Variants in LYN observed in about 807,000 individuals in gnomAD.
LYN encodes tyrosine-protein kinase Lyn.
Under a neutral mutation model 65.0 loss-of-function variants are expected in LYN, and 12 were observed. The ratio of observed to expected loss-of-function variants is 0.18; its 90% confidence interval spans 0.12 to 0.30. The LOEUF is 0.30. Among genes scored for constraint, LYN ranks in the 10% least tolerant of loss-of-function variants. LYN has a pLI of 1.00. For synonymous variants in LYN, 222 were observed against 221.2 expected, an observed-to-expected ratio of 1.00 and a Z score of -0.03; for missense variants, 380 against 623.2, an observed-to-expected ratio of 0.61 and a Z score of 4.16.
intron 1 of LYN, among the ~76,000 whole-genome samples, chr8:55,933,565 C>T (rs1806329933): frequency 6.6e-6 from 1 of 152,150 alleles, no homozygotes; most frequent in Non-Finnish European, 1.5e-5. Flanking sequence ...ATCACTTATC[C>T]TCTCATGCCA....
intron 8 of LYN, among the ~76,000 whole-genome samples, chr8:55,963,699 T>C (rs143235719): frequency 6.6e-6 from 1 of 152,376 alleles, no homozygotes; most frequent in East Asian, 1.9e-4. Context: ...TTATTACTCA[T>C]ATGAATTTCT....
chr8:55,928,992 TA>T (rs1806189057), intron 1 of LYN, among the ~76,000 whole-genome samples: 1 of 152,222 alleles, frequency 6.6e-6, no homozygotes, highest in Non-Finnish European at 1.5e-5. Flanking sequence ...TTTACATACT[TA>T]TTTATTTACT....
intron 1 of LYN, among the ~76,000 whole-genome samples, chr8:55,931,936 G>T (rs1365471744): frequency 6.6e-6 from 1 of 152,036 alleles, no homozygotes; most frequent in Non-Finnish European, 1.5e-5. Flanking sequence ...TCTGCAATTA[G>T]AAAAAATAAA....
intron 2 of LYN, among the ~76,000 whole-genome samples, chr8:55,942,369 GTATATATATGTGTA>G (rs1365510444): frequency 2.9e-5 from 4 of 137,784 alleles, no homozygotes; most frequent in Non-Finnish European, 4.7e-5. Flanking sequence ...ATATATATGT[GTATATATATGTGTA>G]TATATATATG....
intron 10 of LYN, among the ~76,000 whole-genome samples, chr8:55,982,311 T>C (rs1208546393): frequency 6.6e-6 from 1 of 152,212 alleles, no homozygotes; most frequent in Non-Finnish European, 1.5e-5. Flanking sequence ...GGTTTTGTTT[T>C]TTTTTTAATC....
chr8:55,917,985 T>C (rs1805827327), intron 1 of LYN, among the ~76,000 whole-genome samples: 1 of 152,208 alleles, frequency 6.6e-6, no homozygotes, highest in Non-Finnish European at 1.5e-5. Context: ...ATGGGGGATT[T>C]ATTGGAAGGA....
chr8:55,996,349 G>A (rs1403082818), intron 10 of LYN, among the ~76,000 whole-genome samples: 2 of 152,188 alleles, frequency 1.3e-5, no homozygotes, highest in Non-Finnish European at 1.5e-5. Context: ...TCTGGAACTG[G>A]CGGCCTGAAG....
intron 2 of LYN, among the ~76,000 whole-genome samples, chr8:55,944,629 C>T (rs1422853885): frequency 6.6e-6 from 1 of 152,152 alleles, no homozygotes; most frequent in East Asian, 1.9e-4. Context: ...TACAGGCATG[C>T]ACCACCATGC....
intron 7 of LYN, among the ~76,000 whole-genome samples, chr8:55,953,096 T>C (rs567213106): frequency 1.3e-5 from 2 of 152,296 alleles, no homozygotes; most frequent in East Asian, 3.9e-4. Flanking sequence ...CGCCCTCCCA[T>C]TCCTGTGTGC....
chr8:55,894,640 C>A (rs118106492), intron 1 of LYN, among the ~76,000 whole-genome samples: 1 of 151,170 alleles, frequency 6.6e-6, no homozygotes, highest in South Asian at 2.1e-4. Context: ...TCAAGCTATT[C>A]TCCTTCTTCA....
intron 2 of LYN, 77 bp from the exon 3 acceptor site, chr8:55,946,371 A>G: frequency 1.1e-6 from 1 of 941,288 alleles, no homozygotes; most frequent in Non-Finnish European, 1.7e-6. Context: ...TACTGTTACA[A>G]AAATCATATA....
chr8:55,905,834 G>T (rs73606807), intron 1 of LYN, among the ~76,000 whole-genome samples: 1,684 of 152,150 alleles, frequency 0.011, 35 homozygotes, highest in African/African-American at 0.038. Flanking sequence ...TTCCCATTAG[G>T]CCTGGAGTGT....
chr8:55,947,503 CCTT>C (rs758866706), intron 3 of LYN, 112 bp from the exon 4 acceptor site: 97 of 735,248 alleles, frequency 1.3e-4, no homozygotes, highest in Middle Eastern at 4.9e-4. Flanking sequence ...AAGCACATGT[CCTT>C]CTTCCAGTTG....
intron 11 of LYN, 146 bp downstream of exon 11, chr8:55,998,645 G>T (rs758815145): frequency 2.2e-5 from 15 of 683,700 alleles, no homozygotes; most frequent in Non-Finnish European, 3.6e-5. Flanking sequence ...GTCTGCTTAT[G>T]GTTCTATTCT....
chr8:55,965,071 GAA>G (rs1807408664), intron 8 of LYN, among the ~76,000 whole-genome samples: 1 of 152,072 alleles, frequency 6.6e-6, no homozygotes, highest in African/African-American at 2.4e-5. Flanking sequence ...GATGGAAGCA[GAA>G]GAGAGGACAG....
intron 1 of LYN, among the ~76,000 whole-genome samples, chr8:55,926,594 G>A (rs72651480): frequency 2.0e-5 from 3 of 152,142 alleles, no homozygotes; most frequent in Non-Finnish European, 4.4e-5. Context: ...AAGATCTAAT[G>A]AAATTCTATT....
intron 9 of LYN, among the ~76,000 whole-genome samples, chr8:55,968,068 A>AT (rs1475100949): frequency 2.0e-5 from 3 of 152,172 alleles, no homozygotes; most frequent in African/African-American, 7.2e-5. Flanking sequence ...AAACAATGGC[A>AT]TTGTTTGTTT....
At chr8:55,881,254 A>G (rs559097600) in intron 1 of LYN, among the ~76,000 whole-genome samples, 1 of 152,172 alleles carries the variant, frequency 6.6e-6, no homozygotes, top group South Asian at 2.1e-4. Context: ...TAGCCATCTG[A>G]CCTTATTAGT....
intron 10 of LYN, among the ~76,000 whole-genome samples, chr8:55,984,140 T>G (rs1808007891): frequency 6.6e-6 from 1 of 152,192 alleles, no homozygotes; most frequent in Non-Finnish European, 1.5e-5. Flanking sequence ...GGGCCCACCC[T>G]AAATCCAGGG....
Sources: allele counts gnomAD v4.1 joint callset (sites outside exome capture counted in the v4.1 genomes callset), GRCh38; gene constraint gnomAD v4.1.1; transcripts MANE v1.5; gene names NCBI Gene and HGNC (gene_info 2026-07-23, HGNC 2026-07-21).